The following LSAMP variants were observed in gnomAD, a reference collection of about 807,000 sequenced individuals.
LSAMP encodes the protein limbic system associated membrane protein.
A neutral mutation model predicts 38.6 loss-of-function variants in LSAMP; 7 were observed. That is an observed-to-expected ratio of 0.18 (90% CI 0.10 to 0.34). The LOEUF (loss-of-function observed/expected upper bound fraction) is 0.34, where lower values mean the gene tolerates loss of function less well. Among genes scored for constraint, LSAMP ranks in the 10% least tolerant of loss-of-function variants. The probability of loss-of-function intolerance (pLI) is 1.00; values close to 1 mark genes in which losing one functional copy is unlikely to be tolerated. For missense variants in LSAMP, 313 were observed against 420.0 expected, an observed-to-expected ratio of 0.75 and a Z score of 2.23; for synonymous variants, 154 against 166.8, an observed-to-expected ratio of 0.92 and a Z score of 0.59.
intron 1 of LSAMP, among the ~76,000 whole-genome samples, chr3:116,151,181 G>A (rs1010033370): frequency 6.6e-6 from 1 of 151,990 alleles, no homozygotes; most frequent in Admixed American, 6.6e-5. Context: ...TTGGTATGAA[G>A]AATCTTACTT....
intron 1 of LSAMP, chr3:116,369,961 A>G (rs2048408774): frequency 6.6e-6 from 1 of 152,582 alleles, no homozygotes; most frequent in African/African-American, 2.4e-5. Flanking sequence ...CTTCATTTTA[A>G]ACTTCCAACA....
intron 1 of LSAMP, among the ~76,000 whole-genome samples, chr3:116,400,930 T>C (rs62269074): frequency 6.6e-6 from 1 of 152,188 alleles, no homozygotes; most frequent in South Asian, 2.1e-4. Context: ...GCATATATAC[T>C]ACCTACCACA....
At position 116,346,774 on chromosome 3, in the gene LSAMP, C is replaced by T. The variant is rs1402367936; in HGVS notation, c.155+98103G>A. On this transcript the variant is annotated intron_variant, in intron 1 of 6. Coordinates refer to ENST00000490035, the MANE Select transcript of LSAMP (RefSeq NM_002338.5). ...CAGGCCTGAAAATTTATTCATTCAA[C>T]AAACATTCATTAAGTACTTCCTATG... is the stretch of plus-strand genomic sequence containing the variant. 2.0e-5 allele frequency among the ~76,000 whole-genome samples: 3 copies of T among 152,188 alleles called. No homozygotes were observed. The East Asian group carries it at 5.8e-4, about 29-fold the overall frequency.
At chr3:115,947,071 C>G (rs1271769092) in intron 3 of LSAMP, among the ~76,000 whole-genome samples, 1 of 151,774 alleles carries the variant, frequency 6.6e-6, no homozygotes, top group African/African-American at 2.4e-5. Flanking sequence ...TCTACAGATG[C>G]AAAATAAGGA....
intron 2 of LSAMP, among the ~76,000 whole-genome samples, chr3:116,056,130 A>G (rs909029084): frequency 3.3e-5 from 5 of 152,152 alleles, no homozygotes; most frequent in Non-Finnish European, 7.4e-5. Context: ...TTATTCATGT[A>G]TTATTTATTT....
At chr3:116,119,025 T>G (rs1330623337) in intron 1 of LSAMP, among the ~76,000 whole-genome samples, 1 of 152,180 alleles carries the variant, frequency 6.6e-6, no homozygotes, top group East Asian at 1.9e-4. Context: ...CAAATTTGTA[T>G]AGCAAAATGT....
At chr3:116,075,867 T>G (rs898077304) in intron 2 of LSAMP, among the ~76,000 whole-genome samples, 1 of 152,172 alleles carries the variant, frequency 6.6e-6, no homozygotes, top group Admixed American at 6.5e-5. Context: ...TTTATATATT[T>G]ACATATGTTT....
chr3:116,390,009 G>T (rs2048671942), intron 1 of LSAMP, among the ~76,000 whole-genome samples: 1 of 152,124 alleles, frequency 6.6e-6, no homozygotes, highest in Non-Finnish European at 1.5e-5. Context: ...TCCACCAGTT[G>T]TGAATGCTAC....
At chr3:116,429,418 A>G (rs768004970) in intron 1 of LSAMP, among the ~76,000 whole-genome samples, 2 of 152,200 alleles carry the variant, frequency 1.3e-5, no homozygotes, top group Non-Finnish European at 2.9e-5. Flanking sequence ...TTGACCTCAT[A>G]TTTTGTGGAA....
intron 3 of LSAMP, among the ~76,000 whole-genome samples, chr3:115,982,172 C>G (rs942093318): frequency 2.6e-5 from 4 of 152,180 alleles, no homozygotes; most frequent in Non-Finnish European, 5.9e-5. Flanking sequence ...CAGCCTAAGG[C>G]TTTCATAAGC....
intron 1 of LSAMP, among the ~76,000 whole-genome samples, chr3:116,159,759 G>C (rs567260063): frequency 6.6e-6 from 1 of 152,266 alleles, no homozygotes; most frequent in South Asian, 2.1e-4. Flanking sequence ...TCATTCTACT[G>C]TAAAGACACA....
At chr3:116,422,631 G>C (rs1056015224) in intron 1 of LSAMP, among the ~76,000 whole-genome samples, 2 of 152,064 alleles carry the variant, frequency 1.3e-5, no homozygotes, top group South Asian at 2.1e-4. Context: ...AAAAATTTTG[G>C]GAATGATGAA....
At chr3:116,293,333 A>T (rs547508226) in intron 1 of LSAMP, among the ~76,000 whole-genome samples, 1 of 152,354 alleles carries the variant, frequency 6.6e-6, no homozygotes, top group African/African-American at 2.4e-5. Flanking sequence ...CCTGAAACCT[A>T]AAAACTTTGC....
intron 3 of LSAMP, among the ~76,000 whole-genome samples, chr3:115,872,259 T>A (rs1462607285): frequency 1.3e-5 from 2 of 152,180 alleles, no homozygotes; most frequent in East Asian, 3.9e-4. Context: ...ACAGCATTTC[T>A]ACTGTTAAAT....
chr3:115,997,364 A>G (rs1425241472), intron 3 of LSAMP, among the ~76,000 whole-genome samples: 1 of 152,022 alleles, frequency 6.6e-6, no homozygotes, highest in Non-Finnish European at 1.5e-5. Flanking sequence ...CTATGGATAA[A>G]AATCTCACAA....
chr3:115,815,564 A>G (rs1933991759), intron 6 of LSAMP, among the ~76,000 whole-genome samples: 1 of 152,242 alleles, frequency 6.6e-6, no homozygotes, highest in Non-Finnish European at 1.5e-5. Context: ...ATTTTGGCAT[A>G]CAAGTTTTTA....
rs1235546455 is a variant in LSAMP at position 116,062,686 on chromosome 3, TTC to T, written c.388+23636_388+23637del. Among the ~76,000 whole-genome samples the T allele has an allele frequency of 2.6e-5, 4 of 152,328 alleles. No homozygotes were observed. The East Asian group carries it at 5.8e-4, about 22-fold the overall frequency. ...AGAAAATTTATTTTTCAAAAATATGTTCTTATTTCAATAATGTAATTATTGTT... is the reference window on the plus strand; with the variant it reads ...AGAAAATTTATTTTTCAAAAATATGTTTATTTCAATAATGTAATTATTGTT... On this transcript the variant is annotated intron_variant, in intron 2 of 6. Coordinates refer to ENST00000490035, the MANE Select transcript of LSAMP (RefSeq NM_002338.5).
At chr3:115,955,857 A>T (rs889489082) in intron 3 of LSAMP, among the ~76,000 whole-genome samples, 2 of 152,196 alleles carry the variant, frequency 1.3e-5, no homozygotes, top group African/African-American at 4.8e-5. Context: ...TGAGAAGGTC[A>T]TTGGTATCCC....
At chr3:115,938,193 T>C (rs1350379187) in intron 3 of LSAMP, among the ~76,000 whole-genome samples, 1 of 152,182 alleles carries the variant, frequency 6.6e-6, no homozygotes, top group Non-Finnish European at 1.5e-5. Context: ...AGATAATTTA[T>C]TATGAGTGTG....
Sources: allele counts gnomAD v4.1 joint callset (sites outside exome capture counted in the v4.1 genomes callset), GRCh38; gene constraint gnomAD v4.1.1; transcripts MANE v1.5; gene names NCBI Gene and HGNC (gene_info 2026-07-23, HGNC 2026-07-21).